The following USP45 variants were observed in gnomAD, a reference collection of about 807,000 sequenced individuals.
USP45 encodes ubiquitin specific peptidase 45.
Under a neutral mutation model 95.8 loss-of-function variants are expected in USP45, and 89 were observed. The observed-to-expected ratio is 0.93, with a 90% CI of 0.78 to 1.11. USP45 has a LOEUF of 1.11. Among genes scored for constraint, USP45 ranks in the 50% least tolerant of loss-of-function variants. The pLI is 0.00. For synonymous variants in USP45, 281 were observed against 316.2 expected (o/e 0.89, Z 1.18); for missense variants, 898 against 942.5 (o/e 0.95, Z 0.62).
intron 1 of USP45, among the ~76,000 whole-genome samples, chr6:99,512,960 C>T (rs2128828725): frequency 6.6e-6 from 1 of 152,290 alleles, no homozygotes; most frequent in East Asian, 1.9e-4. Flanking sequence ...TGACAAGAGG[C>T]TGCATCTCAA....
chr6:99,465,204 C>A (rs1017555912), intron 11 of USP45, 68 bp from the exon 12 acceptor site: 3 of 1,329,948 alleles, frequency 2.3e-6, no homozygotes, highest in East Asian at 4.8e-5. Flanking sequence ...TTGTAAAGTA[C>A]AAAGAAATCA....
At chr6:99,448,187 C>G (rs978388223) in intron 13 of USP45, among the ~76,000 whole-genome samples, 1 of 152,298 alleles carries the variant, frequency 6.6e-6, no homozygotes, top group East Asian at 1.9e-4. Context: ...CAAAGCTGGA[C>G]GGAGAATGAC....
rs886486514 is a variant in USP45, at chr6:99,462,667, A to G, written c.1308+1937T>C. On this transcript the variant is annotated intron_variant, in intron 13 of 17. Coordinates refer to ENST00000500704, the MANE Select transcript of USP45 (RefSeq NM_001346022.3). Reference sequence around the variant, plus strand: ...TTTCTGAAGTCTTGTGACTTCTAACATAAGTCTTCTAACAGAGTAAGTTAA... The same window carrying G: ...TTTCTGAAGTCTTGTGACTTCTAACGTAAGTCTTCTAACAGAGTAAGTTAA... 1.1e-4 allele frequency: 112 copies of G among 985,576 alleles called. No homozygotes were observed. The African/African-American group carries it at 1.2e-3, about 10-fold the overall frequency. The allele number at this position is 985,576 out of a possible 1,614,324, so 61.1% of individuals were successfully genotyped here. A position where few individuals can be genotyped will look rare whatever the true frequency, so the allele number is the denominator to read the frequency against.
At chr6:99,509,070 T>C (rs1375068986) in intron 2 of USP45, among the ~76,000 whole-genome samples, 1 of 152,174 alleles carries the variant, frequency 6.6e-6, no homozygotes, top group East Asian at 1.9e-4. Flanking sequence ...CAGTCAAGTA[T>C]CTTGATTGGT....
At chr6:99,459,895 GA>G (rs1441819493) in intron 13 of USP45, among the ~76,000 whole-genome samples, 2 of 152,106 alleles carry the variant, frequency 1.3e-5, no homozygotes, top group Non-Finnish European at 2.9e-5. Flanking sequence ...GGGGTCTAGG[GA>G]AACAAAAAAT....
At chr6:99,450,218 C>A (rs145280670) in intron 13 of USP45, among the ~76,000 whole-genome samples, 3 of 151,742 alleles carry the variant, frequency 2.0e-5, no homozygotes, top group South Asian at 2.1e-4. Flanking sequence ...CAAAAAAAAA[C>A]CCTTCAAAAA....
intron 13 of USP45, among the ~76,000 whole-genome samples, chr6:99,451,675 A>T (rs6907845): frequency 0.52 from 79,566 of 151,964 alleles, 21,458 homozygotes; most frequent in East Asian, 0.91. Flanking sequence ...AATTGGAAAA[A>T]ACTACTTTAA....
At position 99,445,790 on chromosome 6, in the gene USP45, T is replaced by A; in HGVS notation, c.1975+7A>T. The A allele has an allele frequency of 2.0e-6, 3 of 1,538,282 alleles. No homozygotes were observed. Among genetic ancestry groups the A allele is most frequent in the Non-Finnish European group, 2.6e-6 (3 of 1,148,956 alleles). ...ATCAATAATTATGTAATTAAAAAAA[T>A]AATTACCTGCAAAACTGGTTTCTTC... On this transcript the variant is annotated splice_region_variant and intron_variant, in intron 14 of 17. Coordinates refer to ENST00000500704, the MANE Select transcript of USP45 (RefSeq NM_001346022.3).
rs1483140755 is a variant in USP45, at chr6:99,488,197, C to T, written c.714+3G>A. The T allele has an allele frequency of 3.8e-6, 6 of 1,593,990 alleles. No individual in the cohort carries two copies. Among genetic ancestry groups the T allele is most frequent in the Admixed American group, 1.7e-5 (1 of 59,666 alleles). ...AGCTATTATTCAAACAGTTATTACT[C>T]ACCAGCTGAGAGTCTGAGGAAGGAA... On this transcript the variant is annotated splice_donor_region_variant and intron_variant, in intron 7 of 17. Coordinates refer to ENST00000500704, the MANE Select transcript of USP45 (RefSeq NM_001346022.3).
At chr6:99,487,439 CT>C (rs1056230845) in intron 7 of USP45, among the ~76,000 whole-genome samples, 4 of 151,938 alleles carry the variant, frequency 2.6e-5, no homozygotes, top group African/African-American at 9.7e-5. Context: ...AGGGGCTGCT[CT>C]TTTTTTCATC....
At chr6:99,504,384 C>G (rs1798057007) in intron 4 of USP45, among the ~76,000 whole-genome samples, 1 of 152,158 alleles carries the variant, frequency 6.6e-6, no homozygotes, top group African/African-American at 2.4e-5. Context: ...AAGTGATCCA[C>G]CCGCCTCGGC....
chr6:99,462,284 G>A, intron 13 of USP45: 1 of 984,976 alleles, frequency 1.0e-6, no homozygotes, highest in Non-Finnish European at 1.2e-6. Context: ...GATCTTTGAG[G>A]TACAGTTTCT....
chr6:99,457,361 C>T (rs1336719998), intron 13 of USP45, among the ~76,000 whole-genome samples: 2 of 152,174 alleles, frequency 1.3e-5, no homozygotes, highest in African/African-American at 2.4e-5. Context: ...AACCTACCGA[C>T]ATGTGATGTC....
Position 99,468,618 on chromosome 6 carries a change from G to A in USP45, c.934C>T (p.Arg312Ter), listed in dbSNP as rs771305224. The A allele has an allele frequency of 8.2e-6, 13 of 1,594,372 alleles. No individual in the cohort carries two copies. The highest frequency in any genetic ancestry group is 1.0e-5 in the Non-Finnish European group (12 of 1,165,996). ...GCTTTTAGAATGCTAGCTTGTATTCGCTGTAAAACAAAGTTAATAGATTCT... is the reference window on the plus strand; with the variant it reads ...GCTTTTAGAATGCTAGCTTGTATTCACTGTAAAACAAAGTTAATAGATTCT... ...LDAVRTEETK[R>*]IQASILKAFN... The change falls in exon 10 of 18, where the codon CGA (arginine) becomes TGA (stop). Residue 312 changes from arginine (R) to a stop codon, truncating the protein, a stop_gained and splice_region_variant. Coordinates refer to ENST00000500704, the MANE Select transcript of USP45 (RefSeq NM_001346022.3). LOFTEE classifies it high-confidence loss of function.
intron 7 of USP45, among the ~76,000 whole-genome samples, chr6:99,484,759 C>G (rs969403753): frequency 4.6e-5 from 7 of 151,146 alleles, no homozygotes; most frequent in Admixed American, 4.0e-4. Context: ...CCACTGCACC[C>G]CAGTGTGAGT....
chr6:99,503,769 T>C lies in USP45; in HGVS notation c.474A>G (p.Gln158=). ...TTTAGTCATCGCTTAACTTACTTGT[T>C]TGTGTTTTAGAAGCATGTTTCTGGA... ...DFLQKHASKT[Q]TSAFSRIMKL... is the part of the protein sequence containing the mutation. Residue 158 remains glutamine (Q), a synonymous_variant, in exon 5 of 18, where the codon CAA becomes CAG. Coordinates refer to ENST00000500704, the MANE Select transcript of USP45 (RefSeq NM_001346022.3). 1 of 1,586,248 alleles carries C rather than the reference T, an allele frequency of 6.3e-7. No individual in the cohort carries two copies. Among genetic ancestry groups the C allele is most frequent in the Non-Finnish European group, 8.6e-7 (1 of 1,163,712 alleles).
At position 99,465,959 on chromosome 6, in the gene USP45, A is replaced by T. The variant is rs980088158; in HGVS notation, c.1107+713T>A. 2.0e-5 allele frequency among the ~76,000 whole-genome samples: 3 copies of T among 152,318 alleles called. No homozygotes were observed. The East Asian group carries it at 5.8e-4, about 29-fold the overall frequency. On this transcript the variant is annotated intron_variant, in intron 11 of 17. Transcript: ENST00000500704. ...TCTTTAATACGTCATATAAACTTTA[A>T]ATCAAAGGTGATATAACCACCCTAA...
In USP45 at chr6:99,508,821, T is replaced by C. The variant is rs757353535; in HGVS notation, c.101-39A>G. ...AACAAAATCTCAACATTTTCTTTGC[T>C]ACACCAAAGTGCTACCATTACTGAG... On this transcript the variant is annotated intron_variant, in intron 2 of 17. Transcript: ENST00000500704. The C allele has an allele frequency of 9.0e-6, 14 of 1,557,136 alleles. No homozygotes were observed. In the African/African-American group the frequency reaches 1.4e-4, roughly 15 times the overall value.
intron 13 of USP45, chr6:99,462,611 T>G (rs1332107700): frequency 1.0e-6 from 1 of 985,368 alleles, no homozygotes. Flanking sequence ...TGAAGCAAAA[T>G]TAGCTTTTAT....
Sources: allele counts gnomAD v4.1 joint callset (sites outside exome capture counted in the v4.1 genomes callset), GRCh38; gene constraint gnomAD v4.1.1; transcripts MANE v1.5; gene names NCBI Gene and HGNC (gene_info 2026-07-23, HGNC 2026-07-21).